The following AGBL4 variants were observed in gnomAD, a reference collection of about 807,000 sequenced individuals.
AGBL4 encodes the protein AGBL carboxypeptidase 4, also known as cytosolic carboxypeptidase 6.
A neutral mutation model predicts 66.4 loss-of-function variants in AGBL4; 58 were observed. The ratio of observed to expected loss-of-function variants is 0.87; its 90% CI spans 0.71 to 1.09. AGBL4 has a LOEUF of 1.09. AGBL4 is among the 50% of genes least tolerant of loss of function. The pLI, the probability that AGBL4 is intolerant of heterozygous loss-of-function variation, is 0.00. For synonymous variants in AGBL4, 234 were observed against 222.9 expected (o/e 1.05, Z -0.44); for missense variants, 579 against 631.0 (o/e 0.92, Z 0.88).
At chr1:49,849,961 A>T (rs75152766) in intron 2 of AGBL4, among the ~76,000 whole-genome samples, 6,908 of 152,280 alleles carry the variant, frequency 0.045, 171 homozygotes, top group Middle Eastern at 0.095. Flanking sequence ...TTATGTAGGC[A>T]TCAAGTACAT....
At chr1:49,640,980 C>G (rs906967970) in intron 3 of AGBL4, among the ~76,000 whole-genome samples, 2 of 152,084 alleles carry the variant, frequency 1.3e-5, no homozygotes, top group Admixed American at 6.6e-5. Context: ...AATCGGTGCT[C>G]ACTACCTGGG....
chr1:49,952,793 G>A (rs1024207408), intron 1 of AGBL4, among the ~76,000 whole-genome samples: 1 of 151,960 alleles, frequency 6.6e-6, no homozygotes, highest in Non-Finnish European at 1.5e-5. Context: ...ATACAGGTGG[G>A]ATGGTAAAGA....
At chr1:49,932,550 G>C (rs1301320549) in intron 1 of AGBL4, among the ~76,000 whole-genome samples, 1 of 152,104 alleles carries the variant, frequency 6.6e-6, no homozygotes, top group African/African-American at 2.4e-5. Flanking sequence ...AAAGACAAGA[G>C]AATGGGAAGT....
intron 4 of AGBL4, among the ~76,000 whole-genome samples, chr1:49,139,465 C>T (rs546022613): frequency 1.3e-5 from 2 of 152,202 alleles, no homozygotes; most frequent in South Asian, 2.1e-4. Flanking sequence ...CAAAGTTCCT[C>T]GGCCAGTCCT....
At chr1:49,764,428 C>T (rs1181124007) in intron 2 of AGBL4, among the ~76,000 whole-genome samples, 1 of 152,120 alleles carries the variant, frequency 6.6e-6, no homozygotes, top group East Asian at 1.9e-4. Flanking sequence ...ATCACATAAA[C>T]ATTCTGCTTG....
At chr1:48,579,754 CAA>C (rs542996148) in intron 11 of AGBL4, among the ~76,000 whole-genome samples, 10 of 124,816 alleles carry the variant, frequency 8.0e-5, no homozygotes, top group Non-Finnish European at 8.6e-5. Flanking sequence ...ACTAAAAATA[CAA>C]AAAAAAAAAA....
At chr1:49,066,125 A>G (rs1234644344) in intron 4 of AGBL4, among the ~76,000 whole-genome samples, 3 of 152,316 alleles carry the variant, frequency 2.0e-5, no homozygotes, top group African/African-American at 2.4e-5. Context: ...GGAAGGAGAG[A>G]GGCCTTAATG....
intron 11 of AGBL4, among the ~76,000 whole-genome samples, chr1:48,566,468 A>G (rs1026111347): frequency 6.6e-6 from 1 of 152,248 alleles, no homozygotes; most frequent in Non-Finnish European, 1.5e-5. Context: ...GGTCTAATGT[A>G]GTCAAGTTCA....
chr1:49,650,838 C>A (rs1411278116), intron 3 of AGBL4, among the ~76,000 whole-genome samples: 1 of 152,124 alleles, frequency 6.6e-6, no homozygotes. Flanking sequence ...AGGAGTAAAC[C>A]CCACTCCCCC....
At chr1:49,661,097 CCCAA>C (rs1646261059) in intron 3 of AGBL4, among the ~76,000 whole-genome samples, 1 of 151,918 alleles carries the variant, frequency 6.6e-6, no homozygotes, top group Non-Finnish European at 1.5e-5. Flanking sequence ...GCACATGTAC[CCCAA>C]AACTTAAAAA....
chr1:48,744,465 G>C (rs924808664), intron 6 of AGBL4, among the ~76,000 whole-genome samples: 2 of 152,140 alleles, frequency 1.3e-5, no homozygotes, highest in Non-Finnish European at 2.9e-5. Context: ...CTGAGTTGGC[G>C]TGTGAAGTCT....
In AGBL4 at chr1:49,521,814, T is replaced by C. The variant is rs1233459085; in HGVS notation, c.282+175499A>G. On this transcript the variant is annotated intron_variant, in intron 3 of 13. Coordinates refer to ENST00000371839, the MANE Select transcript of AGBL4 (RefSeq NM_032785.4). The stretch of plus-strand genomic sequence containing the variant: ...AAAATTAAAATTTACAAGTGGGACC[T>C]AATTAAACTAAAGAGTGTCTTCACA... Among the ~76,000 whole-genome samples, 2 of 152,092 alleles carry C rather than the reference T, an allele frequency of 1.3e-5. 1 individual carries two copies. The highest frequency in any genetic ancestry group is 2.9e-5 in the Non-Finnish European group (2 of 68,026).
At chr1:49,768,718 A>G (rs1025026106) in intron 2 of AGBL4, among the ~76,000 whole-genome samples, 4 of 152,214 alleles carry the variant, frequency 2.6e-5, no homozygotes, top group African/African-American at 9.7e-5. Flanking sequence ...TCAAATAGAA[A>G]AAAAAGTCAA....
intron 2 of AGBL4, among the ~76,000 whole-genome samples, chr1:49,788,192 T>C (rs1464496199): frequency 2.0e-5 from 3 of 152,202 alleles, no homozygotes; most frequent in Non-Finnish European, 2.9e-5. Context: ...TTAATTCTTT[T>C]CTGCACAAGC....
intron 4 of AGBL4, among the ~76,000 whole-genome samples, chr1:49,120,817 T>C (rs543260537): frequency 6.6e-6 from 1 of 152,348 alleles, no homozygotes; most frequent in East Asian, 1.9e-4. Flanking sequence ...CTTGATTCCA[T>C]TCTCCCCATC....
At chr1:49,990,303 G>C (rs1325243303) in intron 1 of AGBL4, among the ~76,000 whole-genome samples, 4 of 152,168 alleles carry the variant, frequency 2.6e-5, no homozygotes, top group Non-Finnish European at 5.9e-5. Context: ...GAGGAAACTG[G>C]TGGGAGGTGA....
At chr1:49,628,083 G>A (rs1384753355) in intron 3 of AGBL4, among the ~76,000 whole-genome samples, 1 of 152,130 alleles carries the variant, frequency 6.6e-6, no homozygotes, top group African/African-American at 2.4e-5. Flanking sequence ...TGTTTGCATA[G>A]CGTTCCATCT....
Position 49,794,767 on chromosome 1 carries a change from G to T in AGBL4, c.157+56629C>A, listed in dbSNP as rs564654501. Among the ~76,000 whole-genome samples the T allele has an allele frequency of 1.7e-4, 26 of 151,944 alleles. No homozygotes were observed. The East Asian group carries it at 4.6e-3, about 27-fold the overall frequency. On this transcript the variant is annotated intron_variant, in intron 2 of 13. Coordinates refer to ENST00000371839, the MANE Select transcript of AGBL4 (RefSeq NM_032785.4). ...CATAATAGGAATTCATTAAATAATT[G>T]GTTAAATGAATGTTGAATGAAAGAA...
intron 3 of AGBL4, among the ~76,000 whole-genome samples, chr1:49,336,343 T>C (rs74364708): frequency 0.053 from 8,021 of 152,176 alleles, 236 homozygotes; most frequent in African/African-American, 0.069. Context: ...TTGTTCTATT[T>C]AGGCATCAAT....
Sources: gnomAD v4.1 joint callset for allele counts (sites outside exome capture counted in the v4.1 genomes callset) on GRCh38, gnomAD v4.1.1 for gene constraint, MANE v1.5 for transcripts, NCBI Gene and HGNC (gene_info 2026-07-23, HGNC 2026-07-21) for gene names.